DPYD: variants seen among roughly 807,000 people sequenced by gnomAD.
The protein encoded by DPYD is dihydropyrimidine dehydrogenase, also known as dihydropyrimidine dehydrogenase [NADP(+)].
DPYD carries 109 observed loss-of-function variants against 116.2 expected under a neutral mutation model. That is an observed-to-expected ratio of 0.94 (90% CI 0.80 to 1.10). DPYD has a LOEUF of 1.10. DPYD is among the 50% of genes least tolerant of loss of function. The probability of loss-of-function intolerance (pLI) is 0.00; values close to 1 mark genes in which losing one functional copy is unlikely to be tolerated. For synonymous variants in DPYD, 440 were observed against 432.0 expected, an observed-to-expected ratio of 1.02 and a Z score of -0.23; for missense variants, 1,302 against 1,254.5, an observed-to-expected ratio of 1.04 and a Z score of -0.57.
At chr1:97,313,517 G>GTGTGTGTA (rs1450427261) in intron 16 of DPYD, among the ~76,000 whole-genome samples, 2 of 151,776 alleles carry the variant, frequency 1.3e-5, no homozygotes, top group East Asian at 3.9e-4. Flanking sequence ...GTGTGTGTGT[G>GTGTGTGTA]TGTGTGGCTA....
At chr1:97,494,893 C>T (rs1033760799) in intron 13 of DPYD, among the ~76,000 whole-genome samples, 1 of 152,162 alleles carries the variant, frequency 6.6e-6, no homozygotes, top group Non-Finnish European at 1.5e-5. Flanking sequence ...GGGCAGAGCT[C>T]TTCAGATACG....
chr1:97,573,729 G>A (rs1351957932), intron 11 of DPYD, 31 bp downstream of exon 11: 1 of 1,612,150 alleles, frequency 6.2e-7, no homozygotes, highest in Non-Finnish European at 8.5e-7. Context: ...ACAGACAATT[G>A]CATCACACAT....
chr1:97,840,803 T>C (rs1670000240), intron 2 of DPYD, among the ~76,000 whole-genome samples: 2 of 152,116 alleles, frequency 1.3e-5, no homozygotes, highest in African/African-American at 4.8e-5. Context: ...TCCAAGAGTT[T>C]ATTTTTTCTC....
At chr1:97,104,349 A>G (rs2101609639) in intron 20 of DPYD, among the ~76,000 whole-genome samples, 1 of 152,290 alleles carries the variant, frequency 6.6e-6, no homozygotes, top group South Asian at 2.1e-4. Flanking sequence ...CAAATATGAC[A>G]TGAAGTAAAA....
At chr1:97,318,468 T>A (rs1173616536) in intron 16 of DPYD, among the ~76,000 whole-genome samples, 1 of 150,956 alleles carries the variant, frequency 6.6e-6, no homozygotes, top group Admixed American at 6.6e-5. Context: ...CCAACAAAGA[T>A]CAAAAGGGAC....
chr1:97,102,417 A>ATATATATATATG (rs1442061038), intron 20 of DPYD, among the ~76,000 whole-genome samples: 2 of 142,884 alleles, frequency 1.4e-5, no homozygotes, highest in Non-Finnish European at 3.0e-5. Flanking sequence ...ATATATATAT[A>ATATATATATATG]TATGTATATA....
At chr1:97,768,956 C>T (rs12406752) in intron 3 of DPYD, among the ~76,000 whole-genome samples, 23,806 of 151,142 alleles carry the variant, frequency 0.16, 2,193 homozygotes, top group Non-Finnish European at 0.21. Context: ...AAAAAATCTC[C>T]ACAAAATAAA....
intron 13 of DPYD, among the ~76,000 whole-genome samples, chr1:97,485,446 C>A (rs1260711008): frequency 6.6e-6 from 1 of 152,176 alleles, no homozygotes; most frequent in African/African-American, 2.4e-5. Context: ...AGGTGATCCA[C>A]CCACCTTAGC....
intron 20 of DPYD, among the ~76,000 whole-genome samples, chr1:97,152,516 G>T (rs188252824): frequency 6.6e-6 from 1 of 150,620 alleles, no homozygotes; most frequent in Non-Finnish European, 1.5e-5. Flanking sequence ...TGCAGATATA[G>T]TTAATATCTA....
Position 97,427,112 on chromosome 1 carries a change from A to G in DPYD, c.1905+22947T>C, listed in dbSNP as rs538716995. ...AAATAAGTCCTTTAAGAAAATTCAT[A>G]TCTACAACTACTACCTCGGGATACT... On this transcript the variant is annotated intron_variant, in intron 14 of 22. Coordinates refer to ENST00000370192, the MANE Select transcript of DPYD (RefSeq NM_000110.4). 4.6e-5 allele frequency among the ~76,000 whole-genome samples: 7 copies of G among 152,252 alleles called. 1 individual carries two copies. In the South Asian group the frequency reaches 1.2e-3, roughly 27 times the overall value.
At chr1:97,409,889 C>T (rs1673880131) in intron 14 of DPYD, among the ~76,000 whole-genome samples, 1 of 151,994 alleles carries the variant, frequency 6.6e-6, no homozygotes, top group Admixed American at 6.6e-5. Flanking sequence ...ACCAGCCTGG[C>T]CAAAATGGTG....
intron 19 of DPYD, among the ~76,000 whole-genome samples, chr1:97,224,661 A>C (rs1295660414): frequency 6.6e-6 from 1 of 151,592 alleles, no homozygotes. Flanking sequence ...TCTCTTTGTA[A>C]CCTTCCTACT....
chr1:97,465,003 C>A (rs1427215727), intron 13 of DPYD, among the ~76,000 whole-genome samples: 1 of 152,192 alleles, frequency 6.6e-6, no homozygotes. Context: ...CTATACCCTG[C>A]AAAGCCACAG....
At chr1:97,771,511 A>C (rs1666141819) in intron 3 of DPYD, among the ~76,000 whole-genome samples, 1 of 152,226 alleles carries the variant, frequency 6.6e-6, no homozygotes, top group Non-Finnish European at 1.5e-5. Context: ...ACAAAAAAGC[A>C]TATTTTTACT....
At chr1:97,606,820 G>A (rs1262252202) in intron 8 of DPYD, among the ~76,000 whole-genome samples, 3 of 151,922 alleles carry the variant, frequency 2.0e-5, no homozygotes, top group African/African-American at 4.8e-5. Flanking sequence ...ATCCAGATAA[G>A]AAAGGAAAAC....
intron 3 of DPYD, among the ~76,000 whole-genome samples, chr1:97,802,163 G>A (rs1667878220): frequency 6.6e-6 from 1 of 151,794 alleles, no homozygotes. Flanking sequence ...AAAAAGCTTG[G>A]CAGTGAAATG....
intron 19 of DPYD, among the ~76,000 whole-genome samples, chr1:97,224,978 G>T (rs950054768): frequency 2.0e-5 from 3 of 151,000 alleles, no homozygotes; most frequent in African/African-American, 7.3e-5. Flanking sequence ...TGGGAGTACA[G>T]ATCTATCTAA....
intron 21 of DPYD, among the ~76,000 whole-genome samples, chr1:97,091,452 G>A (rs1649891701): frequency 1.3e-5 from 2 of 152,160 alleles, no homozygotes; most frequent in South Asian, 4.1e-4. Context: ...TACATGGCGT[G>A]CCTGGGTGTG....
At chr1:97,210,765 C>T (rs1019355966) in intron 19 of DPYD, among the ~76,000 whole-genome samples, 12 of 152,090 alleles carry the variant, frequency 7.9e-5, no homozygotes, top group African/African-American at 2.9e-4. Context: ...TAACTATAGC[C>T]AGAATACCAT....
Sources: allele counts gnomAD v4.1 joint callset (sites outside exome capture counted in the v4.1 genomes callset), GRCh38; gene constraint gnomAD v4.1.1; transcripts MANE v1.5; gene names NCBI Gene and HGNC (gene_info 2026-07-23, HGNC 2026-07-21).